The following CALN1 variants were observed in gnomAD, a reference collection of about 807,000 sequenced individuals.
The protein encoded by CALN1 is calneuron 1, also known as calcium-binding protein 8.
In CALN1, 17 loss-of-function variants were observed where a neutral mutation model predicts 30.6. The ratio of observed to expected loss-of-function variants is 0.56; its 90% CI spans 0.38 to 0.83. The LOEUF (loss-of-function observed/expected upper bound fraction) is 0.83. CALN1 is among the 40% of genes least tolerant of loss of function. CALN1 has a pLI of 0.00. For missense variants in CALN1, 291 were observed against 354.9 expected (o/e 0.82, Z 1.45); for synonymous variants, 156 against 131.4 (o/e 1.19, Z -1.28).
intron 1 of CALN1, among the ~76,000 whole-genome samples, chr7:72,406,424 C>T (rs532819315): frequency 6.6e-6 from 1 of 152,066 alleles, no homozygotes; most frequent in African/African-American, 2.4e-5. Context: ...CCAAATTAAC[C>T]GGTTATCTCA....
At chr7:72,230,972 G>A (rs952950123) in intron 3 of CALN1, among the ~76,000 whole-genome samples, 4 of 152,058 alleles carry the variant, frequency 2.6e-5, no homozygotes, top group African/African-American at 9.7e-5. Flanking sequence ...TCCAAGGAGC[G>A]TGATGAAATC....
At chr7:72,032,052 CTTTTTTT>C (rs1184047697) in intron 4 of CALN1, among the ~76,000 whole-genome samples, 13,361 of 66,296 alleles carry the variant, frequency 0.2, 1,297 homozygotes, top group African/African-American at 0.44. Context: ...TGGCTCCTGG[CTTTTTTT>C]TTTTTTTTTT....
intron 2 of CALN1, among the ~76,000 whole-genome samples, chr7:72,398,780 G>A (rs1349604492): frequency 6.6e-6 from 1 of 152,240 alleles, no homozygotes; most frequent in Non-Finnish European, 1.5e-5. Context: ...TCCAACCAAA[G>A]TGGGTCCTCT....
intron 3 of CALN1, among the ~76,000 whole-genome samples, chr7:72,162,233 T>C (rs1464084763): frequency 6.6e-6 from 1 of 152,102 alleles, no homozygotes; most frequent in Admixed American, 6.6e-5. Context: ...AGCCAATTTC[T>C]GTGCCCTAAA....
intron 2 of CALN1, among the ~76,000 whole-genome samples, chr7:72,284,826 G>C (rs1367871723): frequency 1.3e-5 from 2 of 151,730 alleles, no homozygotes; most frequent in Admixed American, 1.3e-4. Flanking sequence ...ATTAAGGATA[G>C]ATAGATAGAT....
At chr7:71,794,302 GTGGACAGAAC>G (rs1440539492) in intron 6 of CALN1, among the ~76,000 whole-genome samples, 1 of 152,226 alleles carries the variant, frequency 6.6e-6, no homozygotes, top group Non-Finnish European at 1.5e-5. Context: ...ACCGAGTGTG[GTGGACAGAAC>G]TGCGACCTGG....
At chr7:72,355,796 A>G (rs895992193) in intron 2 of CALN1, among the ~76,000 whole-genome samples, 1 of 152,250 alleles carries the variant, frequency 6.6e-6, no homozygotes, top group African/African-American at 2.4e-5. Flanking sequence ...TGACTCCATC[A>G]GAGTACAAGG....
chr7:72,381,190 G>A (rs1029173890), intron 2 of CALN1, among the ~76,000 whole-genome samples: 1 of 152,324 alleles, frequency 6.6e-6, no homozygotes, highest in East Asian at 1.9e-4. Flanking sequence ...AAAGAATGAA[G>A]ATGCAACCTA....
intron 4 of CALN1, among the ~76,000 whole-genome samples, chr7:72,105,492 TC>T (rs996838709): frequency 1.3e-5 from 2 of 151,884 alleles, no homozygotes; most frequent in African/African-American, 4.8e-5. Flanking sequence ...CTGCCCCCAT[TC>T]CTTTTTGCTT....
intron 2 of CALN1, among the ~76,000 whole-genome samples, chr7:72,386,715 A>C (rs912868277): frequency 3.9e-5 from 6 of 152,098 alleles, no homozygotes; most frequent in Non-Finnish European, 8.8e-5. Flanking sequence ...AGCTCACTGC[A>C]ACCCTGAACT....
At chr7:71,968,840 T>C (rs1584636061) in intron 5 of CALN1, among the ~76,000 whole-genome samples, 1 of 149,992 alleles carries the variant, frequency 6.7e-6, no homozygotes, top group African/African-American at 2.5e-5. Context: ...AGTCCAGGAG[T>C]TCAAGACCAG....
intron 2 of CALN1, chr7:72,336,797 C>A: frequency 1.0e-6 from 1 of 985,062 alleles, no homozygotes; most frequent in Non-Finnish European, 1.2e-6. Flanking sequence ...GGGGGCGGTG[C>A]GGAATGGATG....
rs186418305 is a variant in CALN1, at chr7:72,420,558, A to G, written c.-225-8283T>C. Among the ~76,000 whole-genome samples the G allele has an allele frequency of 1.3e-4, 19 of 151,230 alleles. No individual in the cohort carries two copies. In the East Asian group the frequency reaches 2.5e-3, roughly 20 times the overall value. On this transcript the variant is annotated intron_variant, in intron 1 of 6. Coordinates refer to the CALN1 transcript ENST00000395276. ...TCACCTTTTTAAAAAATTCCCCCAA[A>G]GGCAACAGTGCCTCTGCAGAAGACA...
Position 71,783,537 on chromosome 7 carries a change from G to A in CALN1, c.*4238C>T, listed in dbSNP as rs916150045. ...AAGGACACAGTAAACACAGATCCCA[G>A]GACATGTGACCACACGTGGCCAGGC... On this transcript the variant is annotated 3_prime_UTR_variant, in exon 7 of 7. Coordinates refer to ENST00000395275, the MANE Select transcript of CALN1 (RefSeq NM_031468.4). 2 of 152,508 alleles carry A rather than the reference G, an allele frequency of 1.3e-5. No individual in the cohort carries two copies. The highest frequency in any genetic ancestry group is 4.8e-5 in the African/African-American group (2 of 41,454). The allele number at this position is 152,508 out of a possible 1,614,324, so 9.4% of individuals were successfully genotyped here.
chr7:71,932,933 G>A (rs1457085268), intron 5 of CALN1, among the ~76,000 whole-genome samples: 2 of 152,004 alleles, frequency 1.3e-5, no homozygotes, highest in Non-Finnish European at 2.9e-5. Flanking sequence ...CAGATAGGGC[G>A]CATGTCACAT....
In CALN1 at chr7:71,785,394, C is replaced by T. The variant is rs1792933453; in HGVS notation, c.*2381G>A. 2 of 152,302 alleles carry T rather than the reference C, an allele frequency of 1.3e-5. No homozygotes were observed. The highest frequency in any genetic ancestry group is 4.1e-4 in the South Asian group (2 of 4,826). 9.4% of individuals were successfully genotyped at this position (152,302 alleles called of 1,614,324 possible). A position where few individuals can be genotyped will look rare whatever the true frequency, so the allele number is the denominator to read the frequency against. The stretch of plus-strand genomic sequence containing the variant: ...ATCTCTCTGCCAATGAAATCTAACC[C>T]TCACCTCTTGAAGGGTCTCTGTTCT... On this transcript the variant is annotated 3_prime_UTR_variant, in exon 7 of 7. Coordinates refer to ENST00000395275, the MANE Select transcript of CALN1 (RefSeq NM_031468.4).
At chr7:71,889,319 ATTTAT>A (rs1034331086) in intron 5 of CALN1, among the ~76,000 whole-genome samples, 12 of 152,094 alleles carry the variant, frequency 7.9e-5, no homozygotes, top group African/African-American at 2.4e-4. Context: ...TCTTTTATTT[ATTTAT>A]TTTAAGAAAC....
chr7:72,289,148 A>G (rs1003195772), intron 2 of CALN1, among the ~76,000 whole-genome samples: 1 of 152,228 alleles, frequency 6.6e-6, no homozygotes, highest in East Asian at 1.9e-4. Flanking sequence ...ATCTATAGGT[A>G]TACTTGCTGT....
intron 3 of CALN1, among the ~76,000 whole-genome samples, chr7:72,211,282 AC>A (rs1792376137): frequency 6.6e-6 from 1 of 151,916 alleles, no homozygotes; most frequent in Admixed American, 6.6e-5. Flanking sequence ...AGTTCCTCAA[AC>A]CCATTACTCT....
Sources: allele counts gnomAD v4.1 joint callset (sites outside exome capture counted in the v4.1 genomes callset), GRCh38; gene constraint gnomAD v4.1.1; transcripts MANE v1.5; gene names NCBI Gene and HGNC (gene_info 2026-07-23, HGNC 2026-07-21).